The following SLC9C2 variants were observed in gnomAD, a reference collection of about 807,000 sequenced individuals.
SLC9C2 encodes sodium/hydrogen exchanger 11.
Under a neutral mutation model 140.2 loss-of-function variants are expected in SLC9C2, and 75 were observed. The ratio of observed to expected loss-of-function variants is 0.53; its 90% CI spans 0.44 to 0.65. The LOEUF (loss-of-function observed/expected upper bound fraction) is 0.65, where lower values mean the gene tolerates loss of function less well. SLC9C2 is among the 30% of genes least tolerant of loss of function. SLC9C2 has a pLI of 0.00. For missense variants in SLC9C2, 1,074 were observed against 1,331.8 expected, an observed-to-expected ratio of 0.81 and a Z score of 3.01; for synonymous variants, 375 against 420.9, an observed-to-expected ratio of 0.89 and a Z score of 1.34.
At position 173,505,266 on chromosome 1, in the gene SLC9C2, A is replaced by G; in HGVS notation, c.3291T>C (p.Asn1097=). ...CCTTACCCATGACATTGGTGTTACT[A>G]TTTCTTTGGGTAAGCTCAGATGCTT... ...IIQASELTQR[N]SNTNVMASVN... Residue 1097 remains asparagine, a synonymous_variant, in exon 26 of 28, where the codon AAT becomes AAC. Coordinates refer to ENST00000367714, the MANE Select transcript of SLC9C2 (RefSeq NM_178527.4). 9 of 1,614,028 alleles carry G rather than the reference A, an allele frequency of 5.6e-6. No homozygotes were observed. Among genetic ancestry groups the G allele is most frequent in the Middle Eastern group, 3.3e-4 (2 of 6,062 alleles).
intron 17 of SLC9C2, among the ~76,000 whole-genome samples, 168 bp from the exon 18 acceptor site, chr1:173,530,222 C>T (rs556316004): frequency 6.6e-6 from 1 of 152,320 alleles, no homozygotes; most frequent in South Asian, 2.1e-4. Context: ...GAATCAGACA[C>T]TCTTGGGTGG....
At chr1:173,528,174 A>G (rs1456254644) in intron 18 of SLC9C2, among the ~76,000 whole-genome samples, 2 of 152,208 alleles carry the variant, frequency 1.3e-5, no homozygotes, top group African/African-American at 4.8e-5. Context: ...TATTTTTCTT[A>G]AGGTGAGCTG....
In SLC9C2 at chr1:173,523,915, A is replaced by T. The variant is rs1444961488; in HGVS notation, c.2640+54T>A. ...GTTAATCTTTCATTAGGGAGTGGAA[A>T]AAAATGGATAATTACCATCAAACCT... On this transcript the variant is annotated intron_variant, in intron 21 of 27. Transcript: ENST00000367714. 1.9e-6 allele frequency: 3 copies of T among 1,565,832 alleles called. No homozygotes were observed. The African/African-American group carries it at 4.1e-5, about 22-fold the overall frequency.
intron 5 of SLC9C2, among the ~76,000 whole-genome samples, chr1:173,586,180 C>T (rs1281345767): frequency 2.0e-5 from 3 of 151,738 alleles, no homozygotes; most frequent in Non-Finnish European, 4.4e-5. Flanking sequence ...TAAGGAAAGA[C>T]AGAAAAAAAT....
intron 3 of SLC9C2, among the ~76,000 whole-genome samples, chr1:173,598,724 G>C (rs1472026131): frequency 1.3e-5 from 2 of 152,160 alleles, no homozygotes; most frequent in Non-Finnish European, 2.9e-5. Context: ...CTGTGAGAGT[G>C]AATAAATTAA....
At chr1:173,568,984 G>A (rs1157947967) in intron 9 of SLC9C2, among the ~76,000 whole-genome samples, 1 of 152,050 alleles carries the variant, frequency 6.6e-6, no homozygotes, top group Non-Finnish European at 1.5e-5. Context: ...ATTTCTTCTA[G>A]GAAAGGTCTG....
chr1:173,564,637 C>CTTTT (rs200972272), intron 9 of SLC9C2, among the ~76,000 whole-genome samples: 1 of 119,750 alleles, frequency 8.4e-6, no homozygotes, highest in Admixed American at 8.7e-5. Context: ...TTTTCCTTTT[C>CTTTT]TTTTTTTTTT....
At chr1:173,567,341 C>A in intron 9 of SLC9C2, among the ~76,000 whole-genome samples, 1 of 152,008 alleles carries the variant, frequency 6.6e-6, no homozygotes, top group Non-Finnish European at 1.5e-5. Flanking sequence ...CTGGGTGCTC[C>A]AGTGTTGAGT....
intron 9 of SLC9C2, among the ~76,000 whole-genome samples, chr1:173,566,496 C>G (rs747716234): frequency 1.4e-4 from 22 of 151,952 alleles, no homozygotes; most frequent in Non-Finnish European, 2.9e-4. Context: ...CAGTAATGAT[C>G]CTTTGAATTT....
At chr1:173,526,757 T>G (rs564650950) in intron 18 of SLC9C2, 43 bp from the exon 19 acceptor site, 2 of 1,320,906 alleles carry the variant, frequency 1.5e-6, no homozygotes, top group South Asian at 2.6e-5. Context: ...ATTATTCATA[T>G]AGTTTCTGTA....
chr1:173,569,983 C>T (rs1051938175), intron 9 of SLC9C2, among the ~76,000 whole-genome samples: 1 of 152,148 alleles, frequency 6.6e-6, no homozygotes, highest in Non-Finnish European at 1.5e-5. Context: ...CACCACCACC[C>T]ATGTTCACTT....
chr1:173,548,264 T>G, intron 12 of SLC9C2, 125 bp downstream of exon 12: 1 of 958,542 alleles, frequency 1.0e-6, no homozygotes, highest in South Asian at 1.7e-5. Flanking sequence ...GCAAAGCCAG[T>G]AACTATCTCC....
chr1:173,582,136 A>T, intron 6 of SLC9C2, 128 bp from the exon 7 acceptor site: 3 of 593,856 alleles, frequency 5.1e-6, no homozygotes, highest in Non-Finnish European at 8.3e-6. Context: ...CTTATTTGTC[A>T]GCAAATAGGA....
At chr1:173,574,894 A>C (rs1665073998) in intron 8 of SLC9C2, among the ~76,000 whole-genome samples, 1 of 152,064 alleles carries the variant, frequency 6.6e-6, no homozygotes, top group Non-Finnish European at 1.5e-5. Flanking sequence ...TGAGGAGGAT[A>C]GATTGCTTGA....
At chr1:173,531,348 C>T (rs1413415010) in intron 17 of SLC9C2, among the ~76,000 whole-genome samples, 1 of 152,148 alleles carries the variant, frequency 6.6e-6, no homozygotes, top group Non-Finnish European at 1.5e-5. Flanking sequence ...CCTAATTAGG[C>T]AAAAGGAGTC....
chr1:173,536,591 G>C (rs2102006690), intron 14 of SLC9C2, among the ~76,000 whole-genome samples: 1 of 152,284 alleles, frequency 6.6e-6, no homozygotes, highest in Middle Eastern at 3.4e-3. Flanking sequence ...GTAATTTAAA[G>C]TGAAGATAAT....
intron 4 of SLC9C2, among the ~76,000 whole-genome samples, chr1:173,594,450 T>C (rs1406946122): frequency 6.6e-6 from 1 of 152,174 alleles, no homozygotes; most frequent in Non-Finnish European, 1.5e-5. Flanking sequence ...AATTTAAAAT[T>C]ACAATTTTTA....
chr1:173,585,721 C>T (rs1177960266), intron 5 of SLC9C2, among the ~76,000 whole-genome samples: 5 of 152,174 alleles, frequency 3.3e-5, no homozygotes, highest in Non-Finnish European at 1.5e-5. Flanking sequence ...AATCCCAGCA[C>T]TTTGGGAGGC....
Position 173,601,656 on chromosome 1 carries a change from A to C in SLC9C2, c.121T>G (p.Leu41Val). The change falls in exon 2 of 28, where the codon TTG becomes GTG. Residue 41 changes from leucine (L) to valine (V), a missense_variant. Transcript: ENST00000367714. ...FTTLVCFIVV[L>V]GGLLKMCLKN... ...TTCAAAAACAACCACCTACCTCCCA[A>C]AACAACAATGAAGCATACAAGCGTT... is the stretch of plus-strand genomic sequence containing the variant. The C allele has an allele frequency of 1.2e-6, 2 of 1,613,438 alleles. No individual in the cohort carries two copies. The highest frequency in any genetic ancestry group is 8.5e-7 in the Non-Finnish European group (1 of 1,179,766).
Sources: allele counts gnomAD v4.1 joint callset (sites outside exome capture counted in the v4.1 genomes callset), GRCh38; gene constraint gnomAD v4.1.1; transcripts MANE v1.5; gene names NCBI Gene and HGNC (gene_info 2026-07-23, HGNC 2026-07-21).